CSF1: variants seen among roughly 807,000 people sequenced by gnomAD.
CSF1 encodes macrophage colony-stimulating factor 1.
CSF1 carries 9 observed loss-of-function variants against 48.9 expected under a neutral mutation model. The observed-to-expected ratio is 0.18, with a 90% CI of 0.11 to 0.32. CSF1 has a LOEUF of 0.32. CSF1 is among the 10% of genes least tolerant of loss of function. CSF1 has a pLI of 1.00. For synonymous variants in CSF1, 305 were observed against 284.1 expected, an observed-to-expected ratio of 1.07 and a Z score of -0.74; for missense variants, 672 against 697.9, an observed-to-expected ratio of 0.96 and a Z score of 0.42.
intron 5 of CSF1, among the ~76,000 whole-genome samples, chr1:109,922,889 G>A (rs936346305): frequency 1.1e-4 from 16 of 152,134 alleles, no homozygotes; most frequent in Non-Finnish European, 1.2e-4. Flanking sequence ...ACCCCTGCAT[G>A]GGCTGTTCTC....
intron 8 of CSF1, among the ~76,000 whole-genome samples, chr1:109,927,926 G>T (rs1647910263): frequency 6.6e-6 from 1 of 152,212 alleles, no homozygotes; most frequent in Non-Finnish European, 1.5e-5. Context: ...CCCTAGCTGG[G>T]CCTGTGGCCT....
rs751182734 is a variant in CSF1, at chr1:109,923,853, A to G, written c.1232A>G (p.Gln411Arg). The change falls in exon 6 of 9, where the codon CAG (glutamine) becomes CGG (arginine). Residue 411 changes from glutamine to arginine, a missense_variant. Physicochemically the swap from Gln to Arg is conservative, Grantham distance 43 (BLOSUM62 1). Transcript: ENST00000329608. ...GSPRISSLRP[Q>R]GLSNPSTLSA... is the part of the protein sequence containing the mutation. ...CCCAGGATCTCATCACTGCGCCCCC[A>G]GGGCCTCAGCAACCCCTCCACCCTC... 1.2e-6 allele frequency: 2 copies of G among 1,613,790 alleles called. No homozygotes were observed. The highest frequency in any genetic ancestry group is 1.7e-6 in the Non-Finnish European group (2 of 1,179,882).
At chr1:109,921,782 C>G (rs1647555228) in intron 4 of CSF1, 65 bp from the exon 5 acceptor site, 6 of 1,462,224 alleles carry the variant, frequency 4.1e-6, no homozygotes, top group Non-Finnish European at 5.4e-6. Flanking sequence ...GGGAATTTGA[C>G]AAATAAGATG....
chr1:109,913,919 C>G (rs1336738338), intron 1 of CSF1, among the ~76,000 whole-genome samples: 1 of 152,234 alleles, frequency 6.6e-6, no homozygotes, highest in African/African-American at 2.4e-5. Context: ...TGGGTAGATG[C>G]AAGTCCTGCT....
At chr1:109,913,834 G>C (rs1036483744) in intron 1 of CSF1, among the ~76,000 whole-genome samples, 7 of 152,206 alleles carry the variant, frequency 4.6e-5, no homozygotes, top group Non-Finnish European at 1.0e-4. Flanking sequence ...TCTGAAAGCC[G>C]GTGCATGAAC....
chr1:109,922,720 CCTGTGG>C (rs3835719), intron 5 of CSF1, among the ~76,000 whole-genome samples: 33,143 of 151,636 alleles, frequency 0.22, 4,125 homozygotes, highest in East Asian at 0.52. Context: ...CCTGTTCCTG[CCTGTGG>C]CTGTGGCTGT....
intron 8 of CSF1, among the ~76,000 whole-genome samples, chr1:109,927,895 G>A (rs979123226): frequency 2.0e-4 from 31 of 152,246 alleles, no homozygotes; most frequent in African/African-American, 7.0e-4. Flanking sequence ...CTCGCTCACT[G>A]GGTCCTTCTC....
chr1:109,923,866 C>G lies in CSF1; in HGVS notation c.1245C>G (p.Asn415Lys). 10 of 1,614,032 alleles carry G rather than the reference C, an allele frequency of 6.2e-6. No individual in the cohort carries two copies. The highest frequency in any genetic ancestry group is 1.3e-5 in the African/African-American group (1 of 75,068). The change falls in exon 6 of 9, where the codon AAC (asparagine) becomes AAG (lysine). Residue 415 changes from asparagine to lysine, a missense_variant. Coordinates refer to ENST00000329608, the MANE Select transcript of CSF1 (RefSeq NM_000757.6). ...ISSLRPQGLS[N>K]PSTLSAQPQL... ...CACTGCGCCCCCAGGGCCTCAGCAA[C>G]CCCTCCACCCTCTCTGCTCAGCCAC... is the stretch of plus-strand genomic sequence containing the variant.
In CSF1 at chr1:109,930,095, C is replaced by G. The variant is rs1648007782; in HGVS notation, c.*1257C>G. ...GTCCTTTCCCTGCTGCCGACAGGAA[C>G]CTGGGGCTGAACAGGTTATCCCTGT... On this transcript the variant is annotated 3_prime_UTR_variant, in exon 9 of 9. Coordinates refer to ENST00000329608, the MANE Select transcript of CSF1 (RefSeq NM_000757.6). The G allele has an allele frequency of 6.6e-6, 1 of 152,306 alleles. No homozygotes were observed. Among genetic ancestry groups the G allele is most frequent in the Non-Finnish European group, 1.5e-5 (1 of 68,108 alleles). The allele number at this position is 152,306 out of a possible 1,614,324, so 9.4% of individuals were successfully genotyped here. A position where few individuals can be genotyped will look rare whatever the true frequency, so the allele number is the denominator to read the frequency against.
chr1:109,925,037 C>T (rs1647775772), intron 7 of CSF1, 110 bp from the exon 8 acceptor site: 1 of 1,151,394 alleles, frequency 8.7e-7, no homozygotes, highest in African/African-American at 1.5e-5. Flanking sequence ...TGGGTCTTTT[C>T]AATCTGAGAG....
chr1:109,915,016 A>C (rs991551657), intron 2 of CSF1, among the ~76,000 whole-genome samples: 52 of 152,130 alleles, frequency 3.4e-4, no homozygotes, highest in African/African-American at 1.0e-3. Context: ...GTGGGAATTT[A>C]CCATTCCTCT....
chr1:109,925,532 C>T (rs772314728), intron 8 of CSF1, among the ~76,000 whole-genome samples: 1 of 152,168 alleles, frequency 6.6e-6, no homozygotes, highest in Non-Finnish European at 1.5e-5. Context: ...CTTTACCCTC[C>T]TGGAGAATCT....
rs143563718 is a variant in CSF1, at chr1:109,923,717, G to A, written c.1096G>A (p.Ala366Thr). The A allele has an allele frequency of 3.9e-5, 63 of 1,612,474 alleles. No homozygotes were observed. In the African/African-American group the frequency reaches 7.2e-4, roughly 18 times the overall value. Residue 366 changes from alanine to threonine, a missense_variant, in exon 6 of 9, where the codon GCC becomes ACC. Ala to Thr is a moderately conservative substitution (Grantham distance 58). Around this residue, in one of 3 missense-constraint regions of CSF1, gnomAD observed 591 missense variants for 593.6 expected, o/e 1.00. Transcript: ENST00000329608. Reference sequence around the variant, plus strand: ...ACAGCCGGCAGATGTAACTGGTACCGCCTTGCCCAGGGTGGGCCCCGTGAG... The same window carrying A: ...ACAGCCGGCAGATGTAACTGGTACCACCTTGCCCAGGGTGGGCCCCGTGAG... ...GQQPADVTGT[A>T]LPRVGPVRPT...
chr1:109,916,130 C>T (rs1017500395), intron 3 of CSF1, among the ~76,000 whole-genome samples: 2 of 152,140 alleles, frequency 1.3e-5, no homozygotes, highest in African/African-American at 4.8e-5. Context: ...GGCCAACCAG[C>T]AGGCAGGTAG....
chr1:109,923,681 G>C lies in CSF1; in HGVS notation c.1060G>C (p.Ala354Pro), dbSNP rs371949857. 62 of 1,613,562 alleles carry C rather than the reference G, an allele frequency of 3.8e-5. 1 individual carries two copies. The highest frequency in any genetic ancestry group is 5.2e-5 in the Non-Finnish European group (61 of 1,179,756). Residue 354 changes from alanine (A) to proline (P), a missense_variant, in exon 6 of 9, where the codon GCA (alanine) becomes CCA (proline). By Grantham distance (27) the Ala-to-Pro change is conservative. Around this residue, in one of 3 missense-constraint regions of CSF1, gnomAD observed 591 missense variants for 593.6 expected, o/e 1.00. Transcript: ENST00000329608. ...AGCATCTTCTCCACTCCCTGCATCAGCAAAGGGCCAACAGCCGGCAGATGT... is the reference window on the plus strand; with the variant it reads ...AGCATCTTCTCCACTCCCTGCATCACCAAAGGGCCAACAGCCGGCAGATGT... ...LSASSPLPAS[A>P]KGQQPADVTG... is the part of the protein sequence containing the mutation.
rs778522646 is a variant in CSF1, at chr1:109,923,601, G to C, written c.980G>C (p.Arg327Thr). The C allele has an allele frequency of 6.2e-7, 1 of 1,614,182 alleles. No individual in the cohort carries two copies. The highest frequency in any genetic ancestry group is 1.1e-5 in the South Asian group (1 of 91,086). ...VPQGTELSPS[R>T]PGGGSMQTEP... ...CAAGGGACAGAGCTTTCCCCCTCCAGGCCAGGAGGGGGCAGCATGCAGACA... is the reference window on the plus strand; with the variant it reads ...CAAGGGACAGAGCTTTCCCCCTCCACGCCAGGAGGGGGCAGCATGCAGACA... Residue 327 changes from arginine to threonine, a missense_variant, in exon 6 of 9, where the codon AGG becomes ACG. Transcript: ENST00000329608.
At chr1:109,911,092 G>T (rs1178662766) in intron 1 of CSF1, 30 bp downstream of exon 1, 4 of 1,034,662 alleles carry the variant, frequency 3.9e-6, no homozygotes, top group Non-Finnish European at 4.6e-6. Context: ...CTGGGCCCGG[G>T]ACGGGCTGGG....
rs1647999881 is a variant in CSF1, at chr1:109,929,949, AG to A, written c.*1114del. Reference sequence around the variant, plus strand: ...GGGAAGGGACTAGTGGGAGAGAGCAAGGGAGGGGAGGGCACAGACAGAGAGG... The same window carrying A: ...GGGAAGGGACTAGTGGGAGAGAGCAAGGAGGGGAGGGCACAGACAGAGAGG... On this transcript the variant is annotated 3_prime_UTR_variant, in exon 9 of 9. Coordinates refer to ENST00000329608, the MANE Select transcript of CSF1 (RefSeq NM_000757.6). The A allele has an allele frequency of 6.6e-6, 1 of 152,594 alleles. No individual in the cohort carries two copies. The highest frequency in any genetic ancestry group is 2.4e-5 in the African/African-American group (1 of 41,452). 9.5% of individuals were successfully genotyped at this position (152,594 alleles called of 1,614,324 possible). A position where few individuals can be genotyped will look rare whatever the true frequency, so the allele number is the denominator to read the frequency against.
rs1380907211 is a variant in CSF1 at position 109,916,552 on chromosome 1, AC to A, written c.226-739del. 6.6e-5 allele frequency among the ~76,000 whole-genome samples: 10 copies of A among 152,026 alleles called. No individual in the cohort carries two copies. In the South Asian group the frequency reaches 1.0e-3, roughly 16 times the overall value. On this transcript the variant is annotated intron_variant, in intron 3 of 8. Transcript: ENST00000329608. ...TTTCCAATGACTGTCATGCCTTTCC[AC>A]CTGCCCCCCAATCATTATTCCACAT...
Sources: allele counts gnomAD v4.1 joint callset (sites outside exome capture counted in the v4.1 genomes callset), GRCh38; gene constraint gnomAD v4.1.1; regional missense constraint gnomAD v4.1.1; transcripts MANE v1.5; gene names NCBI Gene and HGNC (gene_info 2026-07-23, HGNC 2026-07-21).